Variants in ZDHHC17 observed in about 807,000 individuals in gnomAD.
ZDHHC17 encodes the protein zDHHC palmitoyltransferase 17, also known as palmitoyltransferase ZDHHC17.
ZDHHC17 carries 40 observed loss-of-function variants against 90.3 expected under a neutral mutation model. The ratio of observed to expected loss-of-function variants is 0.44; its 90% CI spans 0.34 to 0.58. ZDHHC17 has a LOEUF of 0.58. Ranked by LOEUF, ZDHHC17 falls within the 20% of genes least tolerant of loss-of-function variation. The probability of loss-of-function intolerance (pLI) is 0.01; values close to 1 mark genes in which losing one functional copy is unlikely to be tolerated. For synonymous variants in ZDHHC17, 235 were observed against 252.4 expected, an observed-to-expected ratio of 0.93 and a Z score of 0.65; for missense variants, 614 against 780.8, an observed-to-expected ratio of 0.79 and a Z score of 2.55.
chr12:76,809,698 T>A lies in ZDHHC17; in HGVS notation c.399-15T>A. 1 of 1,435,556 alleles carries A rather than the reference T, an allele frequency of 7.0e-7. No individual in the cohort carries two copies. The highest frequency in any genetic ancestry group is 9.1e-7 in the Non-Finnish European group (1 of 1,093,790). The allele number at this position is 1,435,556 out of a possible 1,614,324, so 88.9% of individuals were successfully genotyped here. ...TAACTTTATATATCTAAGTGTTTATTCTTTTATGTTTTAGACAAGGCCATC... is the reference window on the plus strand; with the variant it reads ...TAACTTTATATATCTAAGTGTTTATACTTTTATGTTTTAGACAAGGCCATC... On this transcript the variant is annotated splice_polypyrimidine_tract_variant and intron_variant, in intron 4 of 16. Transcript: ENST00000426126.
rs1355122734 is a variant in ZDHHC17 at position 76,809,824 on chromosome 12, C to G, written c.510C>G (p.Thr170=). The G allele has an allele frequency of 1.9e-6, 3 of 1,610,912 alleles. No individual in the cohort carries two copies. The highest frequency in any genetic ancestry group is 1.7e-5 in the Admixed American group (1 of 59,642). The change falls in exon 5 of 17, where the codon ACC becomes ACG. Residue 170 remains threonine, a synonymous_variant. Transcript: ENST00000426126. ...ATCTGGCTGCTCAGTTCGGACATAC[C>G]TCAATTGTTGCTTATCTCATAGCAA... ...CIHLAAQFGH[T]SIVAYLIAKG...
chr12:76,805,245 T>C, intron 2 of ZDHHC17, 72 bp from the exon 3 acceptor site: 1 of 1,326,442 alleles, frequency 7.5e-7, no homozygotes, highest in African/African-American at 1.5e-5. Flanking sequence ...ATTATTTTCA[T>C]CTCAAAATGT....
chr12:76,801,700 A>G lies in ZDHHC17; in HGVS notation c.198-3617A>G, dbSNP rs192216164. On this transcript the variant is annotated intron_variant, in intron 2 of 16. Coordinates refer to ENST00000426126, the MANE Select transcript of ZDHHC17 (RefSeq NM_015336.4). ...AAAGTTATAACACTAATTTGAATTT[A>G]TGTTACTGAATTTATACAGATTAAT... Among the ~76,000 whole-genome samples the G allele has an allele frequency of 2.6e-5, 4 of 152,308 alleles. No homozygotes were observed. The East Asian group carries it at 5.8e-4, about 22-fold the overall frequency.
intron 2 of ZDHHC17, among the ~76,000 whole-genome samples, chr12:76,804,564 A>C (rs1054879926): frequency 3.3e-5 from 5 of 152,236 alleles, no homozygotes; most frequent in Non-Finnish European, 5.9e-5. Context: ...GGGTCACAAT[A>C]AGTGAACAGA....
intron 1 of ZDHHC17, among the ~76,000 whole-genome samples, chr12:76,771,745 GAA>G (rs113802250): frequency 6.9e-6 from 1 of 144,890 alleles, no homozygotes; most frequent in Non-Finnish European, 1.5e-5. Context: ...CTATTCTCAT[GAA>G]AAAAAAAAAA....
chr12:76,848,773 G>A (rs1162054413), intron 15 of ZDHHC17, among the ~76,000 whole-genome samples: 1 of 152,012 alleles, frequency 6.6e-6, no homozygotes, highest in Admixed American at 6.6e-5. Flanking sequence ...TGATAGGGAG[G>A]TTGTCTGTGC....
chr12:76,813,525 C>T (rs903783647), intron 5 of ZDHHC17: 1 of 289,740 alleles, frequency 3.5e-6, no homozygotes, highest in African/African-American at 2.3e-5. Context: ...TTTTTTTCTT[C>T]AATATGCTTA....
chr12:76,767,262 A>G (rs993232707), intron 1 of ZDHHC17, among the ~76,000 whole-genome samples: 1 of 152,158 alleles, frequency 6.6e-6, no homozygotes, highest in African/African-American at 2.4e-5. Context: ...GCAGGAACAA[A>G]TTTCATTTCA....
At chr12:76,769,389 TG>T (rs536991475) in intron 1 of ZDHHC17, among the ~76,000 whole-genome samples, 76 of 152,334 alleles carry the variant, frequency 5.0e-4, no homozygotes, top group African/African-American at 1.8e-3. Context: ...AAAAGAATTT[TG>T]CCATTTTCTA....
rs1953567133 is a variant in ZDHHC17, at chr12:76,851,486, A to G, written c.*501A>G. ...TGTACACATAAATACTGTGATGAAA[A>G]TCATGTGATTGGGATCTACTGTGAT... is the stretch of plus-strand genomic sequence containing the variant. On this transcript the variant is annotated 3_prime_UTR_variant, in exon 17 of 17. Coordinates refer to ENST00000426126, the MANE Select transcript of ZDHHC17 (RefSeq NM_015336.4). 6.5e-6 allele frequency: 1 copy of G among 154,292 alleles called. No homozygotes were observed. The highest frequency in any genetic ancestry group is 6.5e-5 in the Admixed American group (1 of 15,304). The allele number at this position is 154,292 out of a possible 1,614,324, so 9.6% of individuals were successfully genotyped here.
At chr12:76,831,526 A>AT (rs1233020083) in intron 10 of ZDHHC17, among the ~76,000 whole-genome samples, 1 of 151,776 alleles carries the variant, frequency 6.6e-6, no homozygotes, top group Non-Finnish European at 1.5e-5. Flanking sequence ...AATTTCTTAA[A>AT]TTTTTAGTAG....
intron 2 of ZDHHC17, among the ~76,000 whole-genome samples, chr12:76,800,049 G>A (rs1479928947): frequency 1.3e-5 from 2 of 152,116 alleles, no homozygotes; most frequent in South Asian, 2.1e-4. Flanking sequence ...GGTATCATGT[G>A]CTCAAAAAGT....
intron 11 of ZDHHC17, among the ~76,000 whole-genome samples, chr12:76,842,635 C>G (rs1187851022): frequency 6.6e-6 from 1 of 152,050 alleles, no homozygotes; most frequent in Non-Finnish European, 1.5e-5. Flanking sequence ...TATTTAGTCT[C>G]TAAAAACAGG....
At chr12:76,822,792 T>A (rs1953181691) in intron 8 of ZDHHC17, among the ~76,000 whole-genome samples, 1 of 151,872 alleles carries the variant, frequency 6.6e-6, no homozygotes, top group Admixed American at 6.6e-5. Context: ...TGACTTCACC[T>A]GACTTCAGGT....
intron 1 of ZDHHC17, among the ~76,000 whole-genome samples, chr12:76,770,727 C>G (rs773830826): frequency 6.6e-6 from 1 of 151,904 alleles, no homozygotes; most frequent in Non-Finnish European, 1.5e-5. Context: ...CTCCTGAGGT[C>G]GGGAGTTCGA....
chr12:76,846,676 T>C lies in ZDHHC17; in HGVS notation c.1504T>C (p.Ser502Pro). The C allele has an allele frequency of 6.2e-7, 1 of 1,606,142 alleles. No individual in the cohort carries two copies. Among genetic ancestry groups the C allele is most frequent in the Non-Finnish European group, 8.5e-7 (1 of 1,174,960 alleles). ...MICWMIYGCI[S>P]YWGLHCETTY... ...CTGCTGGATGATTTATGGTTGTATATCTTGTGAGTACAATTAGTTTTCGGT... is the reference window on the plus strand; with the variant it reads ...CTGCTGGATGATTTATGGTTGTATACCTTGTGAGTACAATTAGTTTTCGGT... Residue 502 changes from serine to proline, a missense_variant, in exon 14 of 17, where the codon TCT becomes CCT. By Grantham distance (74) the Ser-to-Pro change is moderately conservative. This residue lies in a region of ZDHHC17 where 111 missense variants were observed against 179.8 expected (regional missense o/e 0.62). Coordinates refer to ENST00000426126, the MANE Select transcript of ZDHHC17 (RefSeq NM_015336.4).
At chr12:76,842,397 T>C (rs1953446012) in intron 11 of ZDHHC17, among the ~76,000 whole-genome samples, 1 of 152,132 alleles carries the variant, frequency 6.6e-6, no homozygotes, top group South Asian at 2.1e-4. Context: ...CTCCAGGAAA[T>C]AATTTGCATT....
intron 1 of ZDHHC17, among the ~76,000 whole-genome samples, chr12:76,765,866 G>C (rs935257995): frequency 6.6e-6 from 1 of 151,998 alleles, no homozygotes; most frequent in Admixed American, 6.6e-5. Context: ...ATACCCGGCT[G>C]ATTTTTTTAT....
At chr12:76,800,288 A>G (rs944945127) in intron 2 of ZDHHC17, among the ~76,000 whole-genome samples, 1 of 152,212 alleles carries the variant, frequency 6.6e-6, no homozygotes, top group African/African-American at 2.4e-5. Flanking sequence ...AATTATTTAC[A>G]GTGGGAAGAA....
Sources: gnomAD v4.1 joint callset for allele counts (sites outside exome capture counted in the v4.1 genomes callset) on GRCh38, gnomAD v4.1.1 for gene constraint, gnomAD v4.1.1 regional missense constraint, MANE v1.5 for transcripts, NCBI Gene and HGNC (gene_info 2026-07-23, HGNC 2026-07-21) for gene names.